GABRA4: variants seen among roughly 807,000 people sequenced by gnomAD.
GABRA4 encodes the protein gamma-aminobutyric acid receptor subunit alpha-4.
In GABRA4, 12 loss-of-function variants were observed where a neutral mutation model predicts 49.7. The observed-to-expected ratio is 0.24, with a 90% CI of 0.15 to 0.39. The LOEUF (loss-of-function observed/expected upper bound fraction) is 0.39. Ranked by LOEUF, GABRA4 falls within the 10% of genes least tolerant of loss-of-function variation. The pLI is 1.00. For synonymous variants in GABRA4, 288 were observed against 240.2 expected, an observed-to-expected ratio of 1.20 and a Z score of -1.84; for missense variants, 506 against 686.0, an observed-to-expected ratio of 0.74 and a Z score of 2.93.
chr4:46,957,304 C>A lies in GABRA4; in HGVS notation c.1134+7666G>T, dbSNP rs188481398. On this transcript the variant is annotated intron_variant, in intron 8 of 8. Coordinates refer to ENST00000264318, the MANE Select transcript of GABRA4 (RefSeq NM_000809.4). ...TACAAAAAAAATTATCATAAGAGTA[C>A]TTGAATTATTATTTATACATTCTTT... 8.1e-3 allele frequency among the ~76,000 whole-genome samples: 1,236 copies of A among 151,728 alleles called. 12 individuals are homozygous for A. The highest frequency in any genetic ancestry group is 0.014 in the Middle Eastern group (4 of 294).
chr4:46,974,185 T>C (rs370722314), intron 6 of GABRA4, 47 bp downstream of exon 6: 256 of 1,545,264 alleles, frequency 1.7e-4, no homozygotes, highest in Non-Finnish European at 2.1e-4. Flanking sequence ...GAAAACTTTA[T>C]TGCTAACACC....
At chr4:46,955,805 G>A (rs1291656727) in intron 8 of GABRA4, among the ~76,000 whole-genome samples, 2 of 152,042 alleles carry the variant, frequency 1.3e-5, no homozygotes, top group Non-Finnish European at 2.9e-5. Flanking sequence ...AAACATACTT[G>A]AATTCTAAAA....
chr4:46,955,335 A>C (rs1345589486), intron 8 of GABRA4, among the ~76,000 whole-genome samples: 4 of 152,114 alleles, frequency 2.6e-5, no homozygotes, highest in Admixed American at 2.6e-4. Context: ...AAGAACCTAA[A>C]TCTTCAATTT....
intron 8 of GABRA4, among the ~76,000 whole-genome samples, chr4:46,956,383 A>T (rs562855602): frequency 6.6e-6 from 1 of 152,248 alleles, no homozygotes; most frequent in Admixed American, 6.6e-5. Context: ...AAACTATTTA[A>T]AGAACAGCAT....
chr4:46,978,887 C>T, intron 3 of GABRA4, 144 bp downstream of exon 3: 1 of 669,066 alleles, frequency 1.5e-6, no homozygotes, highest in Non-Finnish European at 2.7e-6. Context: ...CAATGTCTTA[C>T]TCTTCATACA....
chr4:46,945,570 C>T (rs1721955342), intron 8 of GABRA4, among the ~76,000 whole-genome samples: 1 of 152,122 alleles, frequency 6.6e-6, no homozygotes, highest in Admixed American at 6.6e-5. Flanking sequence ...AACAGCTTTT[C>T]TGTACAGCTG....
At chr4:46,967,543 G>GATGATCTATGATGTGGA (rs1722809758) in intron 7 of GABRA4, among the ~76,000 whole-genome samples, 2 of 151,536 alleles carry the variant, frequency 1.3e-5, no homozygotes, top group Non-Finnish European at 3.0e-5. Flanking sequence ...AGGTTCATGA[G>GATGATCTATGATGTGGA]TTAAGTGGTG....
chr4:46,972,903 G>A (rs1308903996), intron 6 of GABRA4, among the ~76,000 whole-genome samples: 3 of 151,432 alleles, frequency 2.0e-5, no homozygotes, highest in African/African-American at 4.8e-5. Context: ...TCACATCTTT[G>A]CTCCAGATCT....
chr4:46,968,165 T>C (rs911429388), intron 7 of GABRA4, among the ~76,000 whole-genome samples: 12 of 151,598 alleles, frequency 7.9e-5, no homozygotes, highest in African/African-American at 2.9e-4. Context: ...TACCTAAATC[T>C]CATATGAAAA....
chr4:46,968,583 A>T (rs1722847361), intron 7 of GABRA4, among the ~76,000 whole-genome samples: 1 of 151,630 alleles, frequency 6.6e-6, no homozygotes, highest in African/African-American at 2.4e-5. Context: ...CATTTCCCTT[A>T]ACTATAAAAA....
intron 8 of GABRA4, among the ~76,000 whole-genome samples, chr4:46,942,846 C>T (rs146764594): frequency 9.9e-5 from 15 of 152,120 alleles, no homozygotes; most frequent in African/African-American, 3.6e-4. Flanking sequence ...TCTTAATCTT[C>T]AGGTGAATGG....
Position 46,952,890 on chromosome 4 carries a change from C to T in GABRA4, c.1134+12080G>A, listed in dbSNP as rs1722220701. Reference sequence around the variant, plus strand: ...GTACCAGAAAAAAACCTTTTAATAACAAAATTTCACCAATGGAAATGTGTA... The same window carrying T: ...GTACCAGAAAAAAACCTTTTAATAATAAAATTTCACCAATGGAAATGTGTA... On this transcript the variant is annotated intron_variant, in intron 8 of 8. Transcript: ENST00000264318. Among the ~76,000 whole-genome samples the T allele has an allele frequency of 4.0e-5, 6 of 150,714 alleles. 1 individual carries two copies. The South Asian group carries it at 8.3e-4, about 21-fold the overall frequency.
chr4:46,968,191 C>T (rs1408993037), intron 7 of GABRA4, among the ~76,000 whole-genome samples: 2 of 151,394 alleles, frequency 1.3e-5, no homozygotes, highest in Non-Finnish European at 3.0e-5. Flanking sequence ...TGCTAATTTC[C>T]TCCTAAATAC....
intron 5 of GABRA4, among the ~76,000 whole-genome samples, chr4:46,976,354 CAAAA>C (rs71193888): frequency 0.011 from 574 of 51,748 alleles, 3 homozygotes; most frequent in African/African-American, 0.038. Flanking sequence ...CACCCATTCT[CAAAA>C]AAAAAAAAAA....
intron 2 of GABRA4, among the ~76,000 whole-genome samples, chr4:46,986,381 C>T (rs1014537631): frequency 2.0e-5 from 3 of 152,042 alleles, no homozygotes; most frequent in Non-Finnish European, 4.4e-5. Context: ...CTTCATCTGT[C>T]AGGAGCATTT....
chr4:46,943,513 A>G (rs1448450483), intron 8 of GABRA4, among the ~76,000 whole-genome samples: 1 of 152,168 alleles, frequency 6.6e-6, no homozygotes, highest in Non-Finnish European at 1.5e-5. Context: ...TCAATTTCTT[A>G]TTAAAACTTT....
rs561954400 is a variant in GABRA4 at position 46,977,565 on chromosome 4, G to A, written c.339C>T (p.Pro113=). ...WIDKRLKYDG[P]IEILRLNNMM... ...TATTGTTCAATCTCAAAATTTCAAT[G>A]GGGCCGTCATATTTTAATCTTTTGT... The change falls in exon 4 of 9, where the codon CCC becomes CCT. Residue 113 remains proline (P), a synonymous_variant. Coordinates refer to ENST00000264318, the MANE Select transcript of GABRA4 (RefSeq NM_000809.4). 2.5e-6 allele frequency: 4 copies of A among 1,613,050 alleles called. No individual in the cohort carries two copies. The East Asian group carries it at 6.7e-5, about 27-fold the overall frequency.
chr4:46,969,426 GT>G (rs1245321497), intron 7 of GABRA4, among the ~76,000 whole-genome samples: 4 of 151,482 alleles, frequency 2.6e-5, no homozygotes. Context: ...TTCTTGCCTA[GT>G]CAGAGTGCTT....
chr4:46,935,184 C>T (rs1287709991), intron 8 of GABRA4, among the ~76,000 whole-genome samples: 2 of 152,138 alleles, frequency 1.3e-5, no homozygotes, highest in African/African-American at 4.8e-5. Flanking sequence ...TTGAAAAACA[C>T]TTGCTAAACA....
Sources: allele counts gnomAD v4.1 joint callset (sites outside exome capture counted in the v4.1 genomes callset), GRCh38; gene constraint gnomAD v4.1.1; transcripts MANE v1.5; gene names NCBI Gene and HGNC (gene_info 2026-07-23, HGNC 2026-07-21).